Variants in TRHDE observed in about 807,000 individuals in gnomAD.
TRHDE encodes the protein thyrotropin releasing hormone degrading enzyme.
TRHDE carries 72 observed loss-of-function variants against 125.7 expected under a neutral mutation model. The ratio of observed to expected loss-of-function variants is 0.57; its 90% CI spans 0.47 to 0.70. TRHDE has a LOEUF of 0.70. TRHDE is among the 30% of genes least tolerant of loss of function. TRHDE has a pLI of 0.00. For synonymous variants in TRHDE, 509 were observed against 509.1 expected (o/e 1.00, Z 0.00); for missense variants, 1,110 against 1,327.1 (o/e 0.84, Z 2.54).
At chr12:72,520,365 C>G (rs544552193) in intron 6 of TRHDE, among the ~76,000 whole-genome samples, 57 of 152,188 alleles carry the variant, frequency 3.7e-4, no homozygotes, top group Non-Finnish European at 7.6e-4. Context: ...TTAAGCCCGT[C>G]GGAAAAGCGC....
chr12:72,166,247 T>A (rs78535670), intron 2 of TRHDE, among the ~76,000 whole-genome samples: 5,240 of 152,242 alleles, frequency 0.034, 169 homozygotes, highest in African/African-American at 0.082. Flanking sequence ...GCCATATATG[T>A]GGTTCATTTT....
At chr12:72,219,572 T>G (rs570841359) in intron 2 of TRHDE, among the ~76,000 whole-genome samples, 2 of 152,236 alleles carry the variant, frequency 1.3e-5, no homozygotes, top group East Asian at 1.9e-4. Context: ...TGCTCAGCCC[T>G]GGGGGTCCAC....
At chr12:72,488,174 C>G (rs553935199) in intron 5 of TRHDE, among the ~76,000 whole-genome samples, 1 of 152,024 alleles carries the variant, frequency 6.6e-6, no homozygotes, top group South Asian at 2.1e-4. Context: ...CAATAATAAC[C>G]TTGACTGTAA....
At chr12:72,312,188 TCA>T (rs754018100) in intron 2 of TRHDE, among the ~76,000 whole-genome samples, 1 of 152,146 alleles carries the variant, frequency 6.6e-6, no homozygotes, top group Non-Finnish European at 1.5e-5. Flanking sequence ...AAGGCCATAG[TCA>T]GTTACCTCAC....
In TRHDE at chr12:72,338,861, T is replaced by A. The variant is rs189954891; in HGVS notation, c.1189-39134T>A. Among the ~76,000 whole-genome samples the A allele has an allele frequency of 1.4e-3, 210 of 152,292 alleles. 2 individuals are homozygous for A. The highest frequency in any genetic ancestry group is 4.7e-3 in the African/African-American group (194 of 41,564). ...TGATTTCTCCAAGAATTTCAAGATA[T>A]CGTAATCAACATGGTTTGAGTTCTT... On this transcript the variant is annotated intron_variant, in intron 2 of 18. Coordinates refer to ENST00000261180, the MANE Select transcript of TRHDE (RefSeq NM_013381.3).
At chr12:72,466,159 A>C (rs776135280) in intron 3 of TRHDE, among the ~76,000 whole-genome samples, 1 of 152,128 alleles carries the variant, frequency 6.6e-6, no homozygotes, top group Non-Finnish European at 1.5e-5. Flanking sequence ...TTGTTTCCAC[A>C]CCATATCTGC....
At chr12:72,620,386 A>G (rs950124734) in intron 13 of TRHDE, among the ~76,000 whole-genome samples, 3 of 147,172 alleles carry the variant, frequency 2.0e-5, no homozygotes, top group Admixed American at 6.8e-5. Flanking sequence ...AACTGGGTGT[A>G]GTGGCTTGTG....
chr12:72,546,897 A>C (rs1869444992), intron 7 of TRHDE, among the ~76,000 whole-genome samples: 1 of 151,688 alleles, frequency 6.6e-6, no homozygotes, highest in Non-Finnish European at 1.5e-5. Context: ...GCTCTCTGCT[A>C]TCTGAGCAGT....
chr12:72,114,431 C>T (rs996995439), intron 2 of TRHDE, among the ~76,000 whole-genome samples: 4 of 151,948 alleles, frequency 2.6e-5, no homozygotes, highest in Non-Finnish European at 4.4e-5. Context: ...ATATTATATA[C>T]CATATTCTTA....
intron 2 of TRHDE, among the ~76,000 whole-genome samples, chr12:72,177,243 C>T (rs779573162): frequency 2.6e-5 from 4 of 151,980 alleles, no homozygotes; most frequent in South Asian, 2.1e-4. Context: ...AAGTACCAAA[C>T]GTGGAAGGCT....
chr12:72,598,683 G>C (rs181496188), intron 12 of TRHDE, among the ~76,000 whole-genome samples: 1 of 152,152 alleles, frequency 6.6e-6, no homozygotes, highest in Admixed American at 6.5e-5. Context: ...TTTTGGTTTT[G>C]CTTTTTAAGA....
chr12:72,476,642 C>G (rs1008518554), intron 5 of TRHDE, among the ~76,000 whole-genome samples: 1 of 152,200 alleles, frequency 6.6e-6, no homozygotes, highest in African/African-American at 2.4e-5. Context: ...AAGTTGACCT[C>G]TTTTGCCATT....
intron 2 of TRHDE, among the ~76,000 whole-genome samples, chr12:72,196,824 G>A (rs947227263): frequency 2.0e-5 from 3 of 151,568 alleles, no homozygotes; most frequent in African/African-American, 7.3e-5. Flanking sequence ...CCTTTCCATT[G>A]TATCATATTT....
intron 3 of TRHDE, among the ~76,000 whole-genome samples, chr12:72,459,248 A>T (rs1182005415): frequency 4.6e-5 from 7 of 152,166 alleles, no homozygotes; most frequent in Admixed American, 4.6e-4. Flanking sequence ...CACCTGTATA[A>T]TCCAGGATAT....
At chr12:72,416,051 G>T (rs1441273263) in intron 3 of TRHDE, among the ~76,000 whole-genome samples, 4 of 151,546 alleles carry the variant, frequency 2.6e-5, no homozygotes, top group African/African-American at 9.7e-5. Flanking sequence ...ATTTGTTATT[G>T]CCTGTTTTTT....
intron 5 of TRHDE, among the ~76,000 whole-genome samples, chr12:72,484,785 G>T (rs1877327066): frequency 6.6e-6 from 1 of 152,308 alleles, no homozygotes; most frequent in South Asian, 2.1e-4. Context: ...TTGGTTGTCA[G>T]CAAGATGGCC....
At chr12:72,265,324 A>C (rs1239969183) in intron 2 of TRHDE, among the ~76,000 whole-genome samples, 2 of 151,960 alleles carry the variant, frequency 1.3e-5, no homozygotes, top group Non-Finnish European at 1.5e-5. Flanking sequence ...CTTTCAAGGC[A>C]CTTGGAGAGT....
At chr12:72,242,945 G>A (rs1878511266) in intron 2 of TRHDE, among the ~76,000 whole-genome samples, 1 of 152,158 alleles carries the variant, frequency 6.6e-6, no homozygotes, top group African/African-American at 2.4e-5. Flanking sequence ...AAAGAGATAT[G>A]AAGGAAATCC....
Position 72,410,147 on chromosome 12 carries a change from T to C in TRHDE, c.1315+32026T>C, listed in dbSNP as rs528550994. ...CTTTATTAATATTTCATGTCAATGG[T>C]TTTGACAGTTAAGTAAAATGAACAA... On this transcript the variant is annotated intron_variant, in intron 3 of 18. Coordinates refer to ENST00000261180, the MANE Select transcript of TRHDE (RefSeq NM_013381.3). Among the ~76,000 whole-genome samples, 4 of 152,056 alleles carry C rather than the reference T, an allele frequency of 2.6e-5. No homozygotes were observed. The South Asian group carries it at 8.3e-4, about 32-fold the overall frequency.
Sources: gnomAD v4.1 joint callset for allele counts (sites outside exome capture counted in the v4.1 genomes callset) on GRCh38, gnomAD v4.1.1 for gene constraint, MANE v1.5 for transcripts, NCBI Gene and HGNC (gene_info 2026-07-23, HGNC 2026-07-21) for gene names.